HRH1: variants seen among roughly 807,000 people sequenced by gnomAD.
HRH1 encodes the protein histamine H1 receptor.
HRH1 carries 6 observed loss-of-function variants against 10.3 expected under a neutral mutation model. The observed-to-expected ratio is 0.58, with a 90% confidence interval of 0.32 to 1.15. The LOEUF is 1.15. Among genes scored for constraint, HRH1 ranks in the 50% most tolerant of loss-of-function variants. The pLI is 0.05. For missense variants in HRH1, 514 were observed against 615.3 expected (o/e 0.84, Z 1.74); for synonymous variants, 242 against 236.7 (o/e 1.02, Z -0.21).
intron 1 of HRH1, among the ~76,000 whole-genome samples, chr3:11,245,544 G>A (rs1280799033): frequency 6.6e-6 from 1 of 152,092 alleles, no homozygotes; most frequent in Non-Finnish European, 1.5e-5. Flanking sequence ...GAGAAGCTTG[G>A]CTCCTTACTG....
intron 1 of HRH1, among the ~76,000 whole-genome samples, chr3:11,201,859 G>A (rs1014167671): frequency 3.0e-4 from 46 of 152,156 alleles, no homozygotes; most frequent in Admixed American, 2.6e-3. Flanking sequence ...TAACTTTTCC[G>A]AGAAGTTAAA....
intron 1 of HRH1, among the ~76,000 whole-genome samples, chr3:11,204,548 G>T (rs776853977): frequency 2.0e-5 from 3 of 152,112 alleles, no homozygotes; most frequent in African/African-American, 7.2e-5. Flanking sequence ...ATAAGCTGAC[G>T]CTCACTGAAT....
In HRH1 at chr3:11,189,246, T is replaced by C. The variant is rs75343832; in HGVS notation, c.-36+34692T>C. ...ACCCTTCCGAGTCCAGGAGACACGC[T>C]CAGACTTATGTCATAGACCAGCTGA... On this transcript the variant is annotated intron_variant, in intron 1 of 1. Coordinates refer to ENST00000431010, the MANE Select transcript of HRH1 (RefSeq NM_001098212.2). Among the ~76,000 whole-genome samples the C allele has an allele frequency of 1.1e-3, 167 of 152,290 alleles. 1 individual carries two copies. In the East Asian group the frequency reaches 0.027, roughly 25 times the overall value.
intron 1 of HRH1, among the ~76,000 whole-genome samples, chr3:11,206,006 G>A (rs1375730257): frequency 1.3e-5 from 2 of 152,064 alleles, no homozygotes; most frequent in Non-Finnish European, 2.9e-5. Flanking sequence ...TTTGGGGCTG[G>A]ACCTTCCCCA....
chr3:11,227,555 G>T (rs917612449), intron 1 of HRH1, among the ~76,000 whole-genome samples: 1 of 151,902 alleles, frequency 6.6e-6, no homozygotes, highest in African/African-American at 2.4e-5. Flanking sequence ...CAAAGTGCTG[G>T]GATTACAGAC....
intron 1 of HRH1, among the ~76,000 whole-genome samples, chr3:11,214,858 G>C (rs897135876): frequency 1.3e-4 from 20 of 152,202 alleles, no homozygotes; most frequent in Non-Finnish European, 2.4e-4. Context: ...GGATTTAGCA[G>C]GATAAAATCT....
At chr3:11,242,083 A>G (rs796454667) in intron 1 of HRH1, among the ~76,000 whole-genome samples, 85 of 152,322 alleles carry the variant, frequency 5.6e-4, no homozygotes, top group African/African-American at 1.9e-3. Context: ...CCCAGCCAGC[A>G]GAGGCAATCC....
intron 1 of HRH1, among the ~76,000 whole-genome samples, chr3:11,215,429 G>T (rs941195977): frequency 2.6e-5 from 4 of 151,812 alleles, no homozygotes; most frequent in Non-Finnish European, 4.4e-5. Flanking sequence ...GTGTTTTTGG[G>T]TTTTTTTTGT....
chr3:11,202,319 C>T (rs1450937477), intron 1 of HRH1, among the ~76,000 whole-genome samples: 1 of 151,722 alleles, frequency 6.6e-6, no homozygotes, highest in Non-Finnish European at 1.5e-5. Context: ...GCAGGAGAAT[C>T]ACTTGAACCC....
At chr3:11,180,895 A>C (rs890372841) in intron 1 of HRH1, among the ~76,000 whole-genome samples, 1 of 151,610 alleles carries the variant, frequency 6.6e-6, no homozygotes, top group Non-Finnish European at 1.5e-5. Context: ...TGGCTATTAT[A>C]AATAATGCTG....
At position 11,183,932 on chromosome 3, in the gene HRH1, G is replaced by A. The variant is rs1046890152; in HGVS notation, c.-36+29378G>A. Among the ~76,000 whole-genome samples the A allele has an allele frequency of 1.1e-3, 159 of 148,242 alleles. 1 individual carries two copies. Among genetic ancestry groups the A allele is most frequent in the Non-Finnish European group, 2.1e-3 (141 of 67,492 alleles). On this transcript the variant is annotated intron_variant, in intron 1 of 1. Transcript: ENST00000431010. ...CAGGTCCTTGCTGCTCAGAGAGGCA[G>A]GCCGTGTGACTGGTCCTTGGTGCTC... is the stretch of plus-strand genomic sequence containing the variant.
intron 1 of HRH1, among the ~76,000 whole-genome samples, chr3:11,198,178 A>T (rs1575004163): frequency 1.3e-5 from 2 of 152,194 alleles, no homozygotes; most frequent in South Asian, 4.1e-4. Flanking sequence ...TGCTGTTTGC[A>T]TCCTCATGTG....
intron 1 of HRH1, among the ~76,000 whole-genome samples, chr3:11,242,480 CAAAAAAAAAAAA>C (rs35809891): frequency 3.2e-4 from 16 of 50,382 alleles, no homozygotes; most frequent in East Asian, 8.3e-4. Context: ...GACTCCGTCT[CAAAAAAAAAAAA>C]AAAAAAAAAA....
At chr3:11,142,205 G>A (rs1302741207) in intron 1 of HRH1, among the ~76,000 whole-genome samples, 3 of 152,246 alleles carry the variant, frequency 2.0e-5, no homozygotes, top group Non-Finnish European at 2.9e-5. Flanking sequence ...ACGGGTGGAA[G>A]AGAATTACAG....
rs138128009 is a variant in HRH1 at position 11,222,850 on chromosome 3, G to A, written c.-35-36153G>A. 2.2e-3 allele frequency among the ~76,000 whole-genome samples: 336 copies of A among 152,218 alleles called. 5 individuals carry two copies. In the South Asian group the frequency reaches 0.025, roughly 11 times the overall value. ...CGCATTAAATAATAGTTGTCCAAAT[G>A]TGTGGTAAAGGATTTTCTCTTTTCA... On this transcript the variant is annotated intron_variant, in intron 1 of 1. Transcript: ENST00000431010.
At chr3:11,210,221 T>C (rs572080014) in intron 1 of HRH1, among the ~76,000 whole-genome samples, 1 of 152,042 alleles carries the variant, frequency 6.6e-6, no homozygotes, top group African/African-American at 2.4e-5. Flanking sequence ...TGAAACCCTG[T>C]CTCTACCAAA....
At chr3:11,221,069 A>G (rs986979135) in intron 1 of HRH1, among the ~76,000 whole-genome samples, 2 of 152,206 alleles carry the variant, frequency 1.3e-5, no homozygotes, top group Non-Finnish European at 2.9e-5. Context: ...AATTTGGTTT[A>G]AAGTGTAACA....
At chr3:11,197,978 G>A (rs1937732576) in intron 1 of HRH1, among the ~76,000 whole-genome samples, 1 of 152,060 alleles carries the variant, frequency 6.6e-6, no homozygotes, top group African/African-American at 2.4e-5. Context: ...GGCTGCGCTC[G>A]ACTCTGCTTG....
At chr3:11,185,147 T>C (rs416840) in intron 1 of HRH1, among the ~76,000 whole-genome samples, 70,117 of 151,702 alleles carry the variant, frequency 0.46, 17,815 homozygotes, top group African/African-American at 0.67. Flanking sequence ...AGTGCCTGGG[T>C]CCTAGTGCTA....
Sources: allele counts gnomAD v4.1 joint callset (sites outside exome capture counted in the v4.1 genomes callset), GRCh38; gene constraint gnomAD v4.1.1; transcripts MANE v1.5; gene names NCBI Gene and HGNC (gene_info 2026-07-23, HGNC 2026-07-21).